MBD3L2: variants seen among roughly 807,000 people sequenced by gnomAD.
MBD3L2 encodes methyl-CpG-binding domain protein 3-like 2.
For synonymous variants in MBD3L2, 20 were observed against 33.9 expected (o/e 0.59, Z 1.42); for missense variants, 71 against 84.0 (o/e 0.85, Z 0.60).
In MBD3L2 at chr19:7,051,472, TCAGCTCCCACC is replaced by T. The variant is rs1473633018; in HGVS notation, c.478_488del (p.Gln160AlafsTer58). The T allele has an allele frequency of 1.4e-6, 1 of 702,114 alleles. No homozygotes were observed. Among genetic ancestry groups the T allele is most frequent in the Non-Finnish European group, 2.6e-6 (1 of 379,472 alleles). The allele number at this position is 702,114 out of a possible 1,614,324, so 43.5% of individuals were successfully genotyped here. A position where few individuals can be genotyped will look rare whatever the true frequency, so the allele number is the denominator to read the frequency against. The stretch of plus-strand genomic sequence containing the variant: ...GGGGGCCAACCCCAGGAATGGGTTG[TCAGCTCCCACC>T]GCCCCTCTCTGGCCAATTGGTGACT... On this transcript the variant is annotated frameshift_variant, in exon 2 of 2. Transcript: ENST00000381393. LOFTEE classifies it low-confidence loss of function (END_TRUNC).
rs1359607749 is a variant in MBD3L2, at chr19:7,051,590, G to C, written c.595G>C (p.Ala199Pro). 1.2e-5 allele frequency: 9 copies of C among 722,590 alleles called. No homozygotes were observed. In the Admixed American group the frequency reaches 1.4e-4, roughly 11 times the overall value. The allele number at this position is 722,590 out of a possible 1,614,324, so 44.8% of individuals were successfully genotyped here. A position where few individuals can be genotyped will look rare whatever the true frequency, so the allele number is the denominator to read the frequency against. Residue 199 changes from alanine (A) to proline (P), a missense_variant, in exon 2 of 2, where the codon GCC (alanine) becomes CCC (proline). Transcript: ENST00000381393. ...CAAGGCCTTGCAGGCAGACAGGCTG[G>C]CCAGGCGGGCAGAAATGCTGACAGG... ...LAKALQADRL[A>P]RRAEMLTGG
chr19:7,051,055 G>C lies in MBD3L2; in HGVS notation c.60G>C (p.Arg20Ser). ...PSLPVLGKLKRNMMPWALQKK... is the reference protein window; with the variant it reads ...PSLPVLGKLKSNMMPWALQKK... ...TCTTTTGAAAGGGGAAGCTCAAAAG[G>C]AACATGATGCCCTGGGCTTTACAGA... Residue 20 changes from arginine (R) to serine (S), a missense_variant, in exon 2 of 2, where the codon AGG becomes AGC. Arg to Ser is a moderately radical substitution (Grantham distance 110). Transcript: ENST00000381393. 1 of 274,616 alleles carries C rather than the reference G, an allele frequency of 3.6e-6. No homozygotes were observed. The highest frequency in any genetic ancestry group is 3.6e-5 in the South Asian group (1 of 27,500). The allele number at this position is 274,616 out of a possible 1,614,324, so 17.0% of individuals were successfully genotyped here.
chr19:7,051,661 C>G lies in MBD3L2; in HGVS notation c.*39C>G, dbSNP rs1233179943. 1 of 712,532 alleles carries G rather than the reference C, an allele frequency of 1.4e-6. No homozygotes were observed. Among genetic ancestry groups the G allele is most frequent in the Non-Finnish European group, 2.6e-6 (1 of 383,892 alleles). The allele number at this position is 712,532 out of a possible 1,614,324, so 44.1% of individuals were successfully genotyped here. A position where few individuals can be genotyped will look rare whatever the true frequency, so the allele number is the denominator to read the frequency against. On this transcript the variant is annotated 3_prime_UTR_variant, in exon 2 of 2. Transcript: ENST00000381393. ...GCTTTCGGTCCCTTTCTTTTAATGC[C>G]CATCCTCATTCCTACTCTGAATTGT... is the stretch of plus-strand genomic sequence containing the variant.
Position 7,051,633 on chromosome 19 carries a change from T to C in MBD3L2, c.*11T>C, listed in dbSNP as rs1398684010. 8.4e-6 allele frequency: 6 copies of C among 717,334 alleles called. No individual in the cohort carries two copies. The highest frequency in any genetic ancestry group is 2.0e-5 in the Admixed American group (1 of 49,884). 44.4% of individuals were successfully genotyped at this position (717,334 alleles called of 1,614,324 possible). A position where few individuals can be genotyped will look rare whatever the true frequency, so the allele number is the denominator to read the frequency against. On this transcript the variant is annotated 3_prime_UTR_variant, in exon 2 of 2. Coordinates refer to ENST00000381393, the MANE Select transcript of MBD3L2 (RefSeq NM_144614.4). ...CTGACAGGTGGATGAAGCTCAGTCT[T>C]GGGCTTTCGGTCCCTTTCTTTTAAT... is the stretch of plus-strand genomic sequence containing the variant.
chr19:7,051,534 G>A lies in MBD3L2; in HGVS notation c.539G>A (p.Arg180Lys), dbSNP rs763085144. ...CCTGCAGATATCCGGAGACAGGCCA[G>A]GAGGGTGAAGAAAGCCAGGGAGAGA... is the stretch of plus-strand genomic sequence containing the variant. Reference protein sequence around the residue: ...VTPADIRRQARRVKKARERLA... With the variant: ...VTPADIRRQAKRVKKARERLA... Residue 180 changes from arginine (R) to lysine (K), a missense_variant, in exon 2 of 2, where the codon AGG (arginine) becomes AAG (lysine). By Grantham distance (26) the Arg-to-Lys change is conservative. Transcript: ENST00000381393. 32 of 713,534 alleles carry A rather than the reference G, an allele frequency of 4.5e-5. 1 individual carries two copies. In the South Asian group the frequency reaches 4.6e-4, roughly 10 times the overall value. The allele number at this position is 713,534 out of a possible 1,614,324, so 44.2% of individuals were successfully genotyped here.
Position 7,051,658 on chromosome 19 carries a change from T to C in MBD3L2, c.*36T>C. ...TGGGCTTTCGGTCCCTTTCTTTTAA[T>C]GCCCATCCTCATTCCTACTCTGAAT... On this transcript the variant is annotated 3_prime_UTR_variant, in exon 2 of 2. Coordinates refer to ENST00000381393, the MANE Select transcript of MBD3L2 (RefSeq NM_144614.4). 1 of 713,342 alleles carries C rather than the reference T, an allele frequency of 1.4e-6. No homozygotes were observed. Among genetic ancestry groups the C allele is most frequent in the Non-Finnish European group, 2.6e-6 (1 of 384,046 alleles). 44.2% of individuals were successfully genotyped at this position (713,342 alleles called of 1,614,324 possible).
At position 7,051,434 on chromosome 19, in the gene MBD3L2, C is replaced by A. The variant is rs780501374; in HGVS notation, c.439C>A (p.Pro147Thr). The change falls in exon 2 of 2, where the codon CCA (proline) becomes ACA (threonine). Residue 147 changes from proline to threonine, a missense_variant. Transcript: ENST00000381393. ...GCTTGAGCCCACCCCTGGGCGGTTTCCAGCTGTGGCAGGGGGGCCAACCCC... is the reference window on the plus strand; with the variant it reads ...GCTTGAGCCCACCCCTGGGCGGTTTACAGCTGTGGCAGGGGGGCCAACCCC... ...SPLEPTPGRF[P>T]AVAGGPTPGM... is the part of the protein sequence containing the mutation. The A allele has an allele frequency of 2.9e-6, 2 of 695,776 alleles. No homozygotes were observed. The highest frequency in any genetic ancestry group is 4.1e-5 in the Admixed American group (2 of 48,444). The allele number at this position is 695,776 out of a possible 1,614,324, so 43.1% of individuals were successfully genotyped here. A position where few individuals can be genotyped will look rare whatever the true frequency, so the allele number is the denominator to read the frequency against.
Position 7,051,622 on chromosome 19 carries a change from A to C in MBD3L2, c.627A>C (p.Ter209CysextTer36), listed in dbSNP as rs1425475779. The change falls in exon 2 of 2, where the codon TGA becomes TGC. Residue 209 changes from the stop codon to cysteine, a stop_lost. Coordinates refer to ENST00000381393, the MANE Select transcript of MBD3L2 (RefSeq NM_144614.4). ...ARRAEMLTGG[*>C] The stretch of plus-strand genomic sequence containing the variant: ...GGGCAGAAATGCTGACAGGTGGATG[A>C]AGCTCAGTCTTGGGCTTTCGGTCCC... The C allele has an allele frequency of 6.9e-6, 5 of 721,294 alleles. No individual in the cohort carries two copies. Among genetic ancestry groups the C allele is most frequent in the Non-Finnish European group, 1.3e-5 (5 of 388,000 alleles). 44.7% of individuals were successfully genotyped at this position (721,294 alleles called of 1,614,324 possible).
In MBD3L2 at chr19:7,051,265, C is replaced by T. The variant is rs1360711899; in HGVS notation, c.270C>T (p.Tyr90=). The change falls in exon 2 of 2, where the codon TAC becomes TAT. Residue 90 remains tyrosine (Y), a synonymous_variant. Transcript: ENST00000381393. ...HLEKPQQLCA[Y]RRLQALQPCS... ...AGAAGCCGCAGCAACTCTGCGCCTA[C>T]CGGAGACTGCAGGCCCTGCAGCCCT... The T allele has an allele frequency of 2.0e-6, 1 of 502,316 alleles. No individual in the cohort carries two copies. Among genetic ancestry groups the T allele is most frequent in the Non-Finnish European group, 3.4e-6 (1 of 294,194 alleles). 31.1% of individuals were successfully genotyped at this position (502,316 alleles called of 1,614,324 possible).
At position 7,051,612 on chromosome 19, in the gene MBD3L2, C is replaced by A; in HGVS notation, c.617C>A (p.Thr206Lys). Residue 206 changes from threonine to lysine, a missense_variant, in exon 2 of 2, where the codon ACA becomes AAA. Coordinates refer to ENST00000381393, the MANE Select transcript of MBD3L2 (RefSeq NM_144614.4). ...CTGGCCAGGCGGGCAGAAATGCTGA[C>A]AGGTGGATGAAGCTCAGTCTTGGGC... Reference protein sequence around the residue: ...DRLARRAEMLTGG With the variant: ...DRLARRAEMLKGG 1.4e-6 allele frequency: 1 copy of A among 723,404 alleles called. No homozygotes were observed. Among genetic ancestry groups the A allele is most frequent in the South Asian group, 1.5e-5 (1 of 67,774 alleles). The allele number at this position is 723,404 out of a possible 1,614,324, so 44.8% of individuals were successfully genotyped here.
chr19:7,049,919 T>C (rs1476897481), intron 1 of MBD3L2, among the ~76,000 whole-genome samples: 1 of 152,306 alleles, frequency 6.6e-6, no homozygotes. Flanking sequence ...TTCTTCTTCA[T>C]CATGGAACTT....
At position 7,051,519 on chromosome 19, in the gene MBD3L2, T is replaced by C; in HGVS notation, c.524T>C (p.Ile175Thr). 1.4e-6 allele frequency: 1 copy of C among 711,474 alleles called. No homozygotes were observed. The allele number at this position is 711,474 out of a possible 1,614,324, so 44.1% of individuals were successfully genotyped here. Residue 175 changes from isoleucine to threonine, a missense_variant, in exon 2 of 2, where the codon ATC (isoleucine) becomes ACC (threonine). Physicochemically the swap from Ile to Thr is moderately conservative, Grantham distance 89 (BLOSUM62 -1). Coordinates refer to ENST00000381393, the MANE Select transcript of MBD3L2 (RefSeq NM_144614.4). The part of the protein sequence containing the change: ...LSGQLVTPAD[I>T]RRQARRVKKA... ...GGCCAATTGGTGACTCCTGCAGATATCCGGAGACAGGCCAGGAGGGTGAAG... is the reference window on the plus strand; with the variant it reads ...GGCCAATTGGTGACTCCTGCAGATACCCGGAGACAGGCCAGGAGGGTGAAG...
In MBD3L2 at chr19:7,051,577, G is replaced by A. The variant is rs76206324; in HGVS notation, c.582G>A (p.Gln194=). ...KARERLAKAL[Q]ADRLARRAEM... The stretch of plus-strand genomic sequence containing the variant: ...GGGAGAGACTGGCCAAGGCCTTGCA[G>A]GCAGACAGGCTGGCCAGGCGGGCAG... The change falls in exon 2 of 2, where the codon CAG becomes CAA. Residue 194 remains glutamine (Q), a synonymous_variant. Transcript: ENST00000381393. The A allele has an allele frequency of 0.11, 81,377 of 716,312 alleles. 776 individuals are homozygous for A. The highest frequency in any genetic ancestry group is 0.15 in the Middle Eastern group (500 of 3,448). 44.4% of individuals were successfully genotyped at this position (716,312 alleles called of 1,614,324 possible). A position where few individuals can be genotyped will look rare whatever the true frequency, so the allele number is the denominator to read the frequency against.
chr19:7,051,227 G>A lies in MBD3L2; in HGVS notation c.232G>A (p.Asp78Asn), dbSNP rs1437080108. 11 of 464,576 alleles carry A rather than the reference G, an allele frequency of 2.4e-5. 1 individual carries two copies. Among genetic ancestry groups the A allele is most frequent in the Non-Finnish European group, 4.0e-5 (11 of 275,556 alleles). 28.8% of individuals were successfully genotyped at this position (464,576 alleles called of 1,614,324 possible). A position where few individuals can be genotyped will look rare whatever the true frequency, so the allele number is the denominator to read the frequency against. The part of the protein sequence containing the change: ...PDNQVRRRKG[D>N]EHLEKPQQLC... Reference sequence around the variant, plus strand: ...CAACCAGGTCAGACGCAGAAAAGGGGACGAGCACCTGGAGAAGCCGCAGCA... The same window carrying A: ...CAACCAGGTCAGACGCAGAAAAGGGAACGAGCACCTGGAGAAGCCGCAGCA... The change falls in exon 2 of 2, where the codon GAC (aspartate) becomes AAC (asparagine). Residue 78 changes from aspartate (D) to asparagine (N), a missense_variant. Asp to Asn is a conservative substitution (Grantham distance 23). Transcript: ENST00000381393.
At chr19:7,050,440 CAGTG>C (rs1336824061) in intron 1 of MBD3L2, among the ~76,000 whole-genome samples, 3 of 147,130 alleles carry the variant, frequency 2.0e-5, no homozygotes, top group South Asian at 4.2e-4. Flanking sequence ...CTGGGTGTGG[CAGTG>C]AGTATTTAAG....
Position 7,051,096 on chromosome 19 carries a change from A to G in MBD3L2, c.101A>G (p.His34Arg). Residue 34 changes from histidine to arginine, a missense_variant, in exon 2 of 2, where the codon CAC becomes CGC. By Grantham distance (29) the His-to-Arg change is conservative. Coordinates refer to ENST00000381393, the MANE Select transcript of MBD3L2 (RefSeq NM_144614.4). ...GCTTTACAGAAGAAACGAGAAATCCACATGGCCAAGGCCCATCGGAGACGA... is the reference window on the plus strand; with the variant it reads ...GCTTTACAGAAGAAACGAGAAATCCGCATGGCCAAGGCCCATCGGAGACGA... ...PWALQKKREIHMAKAHRRRAA... is the reference protein window; with the variant it reads ...PWALQKKREIRMAKAHRRRAA... 8.4e-6 allele frequency: 3 copies of G among 357,412 alleles called. No individual in the cohort carries two copies. The highest frequency in any genetic ancestry group is 1.4e-5 in the Non-Finnish European group (3 of 214,872). The allele number at this position is 357,412 out of a possible 1,614,324, so 22.1% of individuals were successfully genotyped here.
rs1386287743 is a variant in MBD3L2, at chr19:7,051,691, C to T, written c.*69C>T. 1 of 711,720 alleles carries T rather than the reference C, an allele frequency of 1.4e-6. No homozygotes were observed. Among genetic ancestry groups the T allele is most frequent in the East Asian group, 2.7e-5 (1 of 37,170 alleles). 44.1% of individuals were successfully genotyped at this position (711,720 alleles called of 1,614,324 possible). On this transcript the variant is annotated 3_prime_UTR_variant, in exon 2 of 2. Coordinates refer to ENST00000381393, the MANE Select transcript of MBD3L2 (RefSeq NM_144614.4). ...CTCATTCCTACTCTGAATTGTCACA[C>T]TTTTCCCTTCCCCACCAGTTCTTTA... is the stretch of plus-strand genomic sequence containing the variant.
rs1568396875 is a variant in MBD3L2 at position 7,051,576 on chromosome 19, A to G, written c.581A>G (p.Gln194Arg). Residue 194 changes from glutamine (Q) to arginine (R), a missense_variant, in exon 2 of 2, where the codon CAG becomes CGG. By Grantham distance (43) the Gln-to-Arg change is conservative. Coordinates refer to ENST00000381393, the MANE Select transcript of MBD3L2 (RefSeq NM_144614.4). ...KARERLAKAL[Q>R]ADRLARRAEM... ...AGGGAGAGACTGGCCAAGGCCTTGCAGGCAGACAGGCTGGCCAGGCGGGCA... is the reference window on the plus strand; with the variant it reads ...AGGGAGAGACTGGCCAAGGCCTTGCGGGCAGACAGGCTGGCCAGGCGGGCA... 1 of 721,118 alleles carries G rather than the reference A, an allele frequency of 1.4e-6. No individual in the cohort carries two copies. The highest frequency in any genetic ancestry group is 2.6e-6 in the Non-Finnish European group (1 of 387,792). 44.7% of individuals were successfully genotyped at this position (721,118 alleles called of 1,614,324 possible). A position where few individuals can be genotyped will look rare whatever the true frequency, so the allele number is the denominator to read the frequency against.
In MBD3L2 at chr19:7,051,608, C is replaced by G. The variant is rs1254599542; in HGVS notation, c.613C>G (p.Leu205Val). ...ADRLARRAEM[L>V]TGG is the part of the protein sequence containing the mutation. ...CAGGCTGGCCAGGCGGGCAGAAATG[C>G]TGACAGGTGGATGAAGCTCAGTCTT... is the stretch of plus-strand genomic sequence containing the variant. Residue 205 changes from leucine (L) to valine (V), a missense_variant, in exon 2 of 2, where the codon CTG becomes GTG. By Grantham distance (32) the Leu-to-Val change is conservative. Transcript: ENST00000381393. 1 of 723,440 alleles carries G rather than the reference C, an allele frequency of 1.4e-6. No homozygotes were observed. The highest frequency in any genetic ancestry group is 2.6e-6 in the Non-Finnish European group (1 of 389,306). The allele number at this position is 723,440 out of a possible 1,614,324, so 44.8% of individuals were successfully genotyped here.
Sources: gnomAD v4.1 joint callset for allele counts (sites outside exome capture counted in the v4.1 genomes callset) on GRCh38, gnomAD v4.1.1 for gene constraint, MANE v1.5 for transcripts, NCBI Gene and HGNC (gene_info 2026-07-23, HGNC 2026-07-21) for gene names.